Variants in MPPED2 observed in about 807,000 individuals in gnomAD.
MPPED2 encodes the protein metallophosphoesterase MPPED2.
Under a neutral mutation model 33.0 loss-of-function variants are expected in MPPED2, and 5 were observed. The observed-to-expected ratio is 0.15, with a 90% CI of 0.08 to 0.32. The LOEUF (loss-of-function observed/expected upper bound fraction) is 0.32, where lower values mean the gene tolerates loss of function less well. MPPED2 is among the 10% of genes least tolerant of loss of function. MPPED2 has a pLI of 1.00. For missense variants in MPPED2, 275 were observed against 372.1 expected (o/e 0.74, Z 2.15); for synonymous variants, 136 against 141.9 (o/e 0.96, Z 0.29).
At chr11:30,411,644 T>A in intron 6 of MPPED2, 58 bp from the exon 7 acceptor site, 1 of 1,461,438 alleles carries the variant, frequency 6.8e-7, no homozygotes, top group Non-Finnish European at 9.2e-7. Context: ...TGATGGAATG[T>A]AGGGCTGTCA....
chr11:30,557,750 C>G (rs1956048431), intron 2 of MPPED2, among the ~76,000 whole-genome samples: 1 of 152,054 alleles, frequency 6.6e-6, no homozygotes, highest in African/African-American at 2.4e-5. Flanking sequence ...ACAGTCAGTC[C>G]AACATATTTG....
At chr11:30,410,070 A>G (rs1338571716), downstream of MPPED2, 19 of 978,024 alleles carry the variant, frequency 1.9e-5, no homozygotes, top group Non-Finnish European at 2.3e-5. Flanking sequence ...CAGCCTGTGA[A>G]TGGTGGGTAA....
At chr11:30,439,678 T>G (rs988115109) in intron 4 of MPPED2, among the ~76,000 whole-genome samples, 1 of 152,218 alleles carries the variant, frequency 6.6e-6, no homozygotes, top group Non-Finnish European at 1.5e-5. Context: ...AATACATGCT[T>G]CTTCTCATGA....
chr11:30,447,859 G>A (rs577295567), intron 4 of MPPED2, among the ~76,000 whole-genome samples: 4 of 152,096 alleles, frequency 2.6e-5, no homozygotes, highest in Non-Finnish European at 5.9e-5. Flanking sequence ...TCCACGAGAC[G>A]TCACCCTACC....
In MPPED2 at chr11:30,466,551, T is replaced by C. The variant is rs185095568; in HGVS notation, c.536+28745A>G. 4.2e-3 allele frequency among the ~76,000 whole-genome samples: 639 copies of C among 152,284 alleles called. 5 individuals carry two copies. Among genetic ancestry groups the C allele is most frequent in the African/African-American group, 0.015 (619 of 41,570 alleles). ...CTGGACCCTAGATGGCAGAGGTCAA[T>C]CTGCCCTTTGATGCAGAGGGGAGCA... On this transcript the variant is annotated intron_variant, in intron 4 of 6. Transcript: ENST00000358117.
At chr11:30,492,076 A>G (rs1386102678) in intron 4 of MPPED2, among the ~76,000 whole-genome samples, 12 of 152,212 alleles carry the variant, frequency 7.9e-5, no homozygotes, top group African/African-American at 2.9e-4. Context: ...TGACTTTGCT[A>G]CCTTGCCAGT....
At chr11:30,458,933 T>C (rs1271424096) in intron 4 of MPPED2, among the ~76,000 whole-genome samples, 1 of 137,022 alleles carries the variant, frequency 7.3e-6, no homozygotes, top group Admixed American at 7.4e-5. Context: ...TTTTTTTTTT[T>C]TTTTTTTTTT....
chr11:30,510,461 C>T (rs1463432923), intron 3 of MPPED2, among the ~76,000 whole-genome samples: 3 of 152,196 alleles, frequency 2.0e-5, no homozygotes, highest in Non-Finnish European at 4.4e-5. Flanking sequence ...TCAGCCAATA[C>T]AGCACCTCTT....
At chr11:30,386,718 G>T in exon 7 of MPPED2, 1 of 398,478 alleles carries the variant, frequency 2.5e-6, no homozygotes, top group Non-Finnish European at 4.4e-6. Context: ...GTCGCTGCTT[G>T]TCCTGCCCTT....
intron 2 of MPPED2, among the ~76,000 whole-genome samples, chr11:30,570,888 CAAGACAGGAAAGGATAT>C (rs1956659524): frequency 6.6e-6 from 1 of 152,128 alleles, no homozygotes; most frequent in African/African-American, 2.4e-5. Context: ...AAGCCCACAG[CAAGACAGGAAAGGATAT>C]TTTTCCAATC....
At chr11:30,488,790 C>T (rs1590522759) in intron 4 of MPPED2, among the ~76,000 whole-genome samples, 2 of 152,050 alleles carry the variant, frequency 1.3e-5, no homozygotes, top group African/African-American at 4.8e-5. Flanking sequence ...GGGCCCTGTG[C>T]CAAGAAAAAT....
At position 30,579,878 on chromosome 11, in the gene MPPED2, G is replaced by C. The variant is rs114058588; in HGVS notation, c.128+368C>G. ...TTTAAAGAAATATTTCAGAATGGAG[G>C]CAAGCAATACAATGTAAAGCAAATT... On this transcript the variant is annotated intron_variant, in intron 2 of 6. Coordinates refer to ENST00000358117, the MANE Select transcript of MPPED2 (RefSeq NM_001584.3). 9.0e-3 allele frequency among the ~76,000 whole-genome samples: 1,370 copies of C among 152,178 alleles called. 24 individuals carry two copies. Among genetic ancestry groups the C allele is most frequent in the African/African-American group, 0.031 (1,279 of 41,518 alleles).
intron 4 of MPPED2, chr11:30,451,744 A>G (rs1022075347): frequency 9.2e-6 from 9 of 982,894 alleles, no homozygotes; most frequent in South Asian, 4.7e-5. Context: ...CTGCTGTAGG[A>G]CTCATTATTA....
At chr11:30,513,920 G>A (rs1025571753) in intron 3 of MPPED2, among the ~76,000 whole-genome samples, 1 of 152,158 alleles carries the variant, frequency 6.6e-6, no homozygotes, top group African/African-American at 2.4e-5. Flanking sequence ...CACTGGCCAA[G>A]CCTCACTACA....
chr11:30,544,937 TG>T (rs1403789715), intron 2 of MPPED2, among the ~76,000 whole-genome samples: 1 of 152,096 alleles, frequency 6.6e-6, no homozygotes, highest in African/African-American at 2.4e-5. Flanking sequence ...GCACAAGACT[TG>T]GAAACTCAGG....
intron 3 of MPPED2, among the ~76,000 whole-genome samples, chr11:30,534,755 G>T (rs79022908): frequency 0.031 from 4,662 of 152,126 alleles, 100 homozygotes; most frequent in Admixed American, 0.061. Flanking sequence ...TAAATCAATA[G>T]AAACAAAACG....
intron 4 of MPPED2, among the ~76,000 whole-genome samples, chr11:30,464,796 T>A (rs781255188): frequency 3.3e-5 from 5 of 152,240 alleles, no homozygotes; most frequent in Non-Finnish European, 7.3e-5. Flanking sequence ...TCTATTGTGA[T>A]AATGTGGGGA....
At chr11:30,509,199 G>T (rs1428441993) in intron 3 of MPPED2, among the ~76,000 whole-genome samples, 1 of 152,100 alleles carries the variant, frequency 6.6e-6, no homozygotes, top group African/African-American at 2.4e-5. Context: ...TACTGGGAAA[G>T]GCAAAAGAGG....
chr11:30,573,565 TC>T (rs1956796966), intron 2 of MPPED2, among the ~76,000 whole-genome samples: 1 of 152,192 alleles, frequency 6.6e-6, no homozygotes. Flanking sequence ...CTGAAGACCT[TC>T]CAGTGGGACA....
Sources: allele counts gnomAD v4.1 joint callset (sites outside exome capture counted in the v4.1 genomes callset), GRCh38; gene constraint gnomAD v4.1.1; transcripts MANE v1.5; gene names NCBI Gene and HGNC (gene_info 2026-07-23, HGNC 2026-07-21).